Variants in GALM observed in about 807,000 individuals in gnomAD.
GALM encodes galactose mutarotase.
GALM carries 43 observed loss-of-function variants against 37.4 expected under a neutral mutation model. The ratio of observed to expected loss-of-function variants is 1.15; its 90% CI spans 0.90 to 1.48. The LOEUF (loss-of-function observed/expected upper bound fraction) is 1.48, where lower values mean the gene tolerates loss of function less well. Ranked by LOEUF, GALM falls within the 40% of genes most tolerant of loss-of-function variation. GALM has a pLI of 0.00. For missense variants in GALM, 456 were observed against 419.1 expected (o/e 1.09, Z -0.77); for synonymous variants, 199 against 170.6 (o/e 1.17, Z -1.30).
chr2:38,730,605 A>C (rs1341079659), intron 5 of GALM, among the ~76,000 whole-genome samples: 1 of 152,098 alleles, frequency 6.6e-6, no homozygotes, highest in Non-Finnish European at 1.5e-5. Context: ...CTCAAACCAA[A>C]TAGTGACAGA....
intron 1 of GALM, chr2:38,669,353 C>G (rs1665029301): frequency 6.6e-6 from 1 of 152,240 alleles, no homozygotes; most frequent in Admixed American, 6.5e-5. Flanking sequence ...GCATGCAGCC[C>G]CCAGTCAGGT....
At chr2:38,676,095 C>A (rs762002444) in intron 2 of GALM, 29 bp downstream of exon 2, 9 of 1,611,218 alleles carry the variant, frequency 5.6e-6, no homozygotes, top group Non-Finnish European at 7.6e-6. Flanking sequence ...ACTGAGTTCC[C>A]TTTAGGCTCA....
intron 4 of GALM, among the ~76,000 whole-genome samples, chr2:38,718,806 T>C (rs1445210180): frequency 6.6e-6 from 1 of 151,842 alleles, no homozygotes. Flanking sequence ...CATTACCGTC[T>C]GTTCCTCTTC....
intron 4 of GALM, among the ~76,000 whole-genome samples, chr2:38,699,896 T>C (rs1004017354): frequency 2.0e-5 from 3 of 152,196 alleles, no homozygotes; most frequent in African/African-American, 7.2e-5. Flanking sequence ...AATAATGTGT[T>C]TTCTGAATCT....
rs1138975 is a variant in GALM, at chr2:38,734,273, C to T, written c.*708C>T. Reference sequence around the variant, plus strand: ...GGGTGTGGTAGCACGCACCTGTAGTCCCAGCTACTTGGGAGGCTGAAGCAG... The same window carrying T: ...GGGTGTGGTAGCACGCACCTGTAGTTCCAGCTACTTGGGAGGCTGAAGCAG... On this transcript the variant is annotated 3_prime_UTR_variant, in exon 7 of 7. Transcript: ENST00000272252. The T allele has an allele frequency of 0.53, 81,510 of 152,388 alleles. 21,327 individuals are homozygous for T. Among genetic ancestry groups the T allele is most frequent in the East Asian group, 0.87 (4,451 of 5,144 alleles). 9.4% of individuals were successfully genotyped at this position (152,388 alleles called of 1,614,324 possible). A position where few individuals can be genotyped will look rare whatever the true frequency, so the allele number is the denominator to read the frequency against.
At chr2:38,684,228 T>C (rs1665470340) in intron 3 of GALM, among the ~76,000 whole-genome samples, 1 of 152,206 alleles carries the variant, frequency 6.6e-6, no homozygotes, top group African/African-American at 2.4e-5. Context: ...CTTCTAAGTT[T>C]GAGGGTTGGA....
intron 4 of GALM, among the ~76,000 whole-genome samples, chr2:38,712,489 C>G (rs186948603): frequency 1.3e-5 from 2 of 152,172 alleles, no homozygotes; most frequent in African/African-American, 4.8e-5. Context: ...GGACAGCACC[C>G]TCCAAATTTA....
At chr2:38,706,526 A>G (rs1666039139) in intron 4 of GALM, among the ~76,000 whole-genome samples, 1 of 149,844 alleles carries the variant, frequency 6.7e-6, no homozygotes, top group South Asian at 2.1e-4. Flanking sequence ...AAAAAAAAAA[A>G]AAAATTAGCC....
At chr2:38,676,276 G>T (rs1420306848) in intron 2 of GALM, among the ~76,000 whole-genome samples, 1 of 152,160 alleles carries the variant, frequency 6.6e-6, no homozygotes, top group Non-Finnish European at 1.5e-5. Context: ...GGAGCCCCAA[G>T]AGAAAGGATG....
At chr2:38,671,307 G>T (rs1449500113) in intron 1 of GALM, 1 of 152,208 alleles carries the variant, frequency 6.6e-6, no homozygotes, top group Non-Finnish European at 1.5e-5. Context: ...TAGAAGAACT[G>T]CCTGAGACTG....
intron 2 of GALM, among the ~76,000 whole-genome samples, chr2:38,680,409 G>A (rs935635818): frequency 6.6e-6 from 1 of 151,998 alleles, no homozygotes; most frequent in Non-Finnish European, 1.5e-5. Context: ...AAGAAACTTC[G>A]AGATAATTTC....
chr2:38,713,101 T>C (rs1172105047), intron 4 of GALM, among the ~76,000 whole-genome samples: 2 of 152,122 alleles, frequency 1.3e-5, no homozygotes, highest in Non-Finnish European at 2.9e-5. Context: ...CTTGCGACTT[T>C]TGGAGGAGAG....
At chr2:38,672,748 T>C (rs1248351185) in intron 1 of GALM, among the ~76,000 whole-genome samples, 2 of 151,856 alleles carry the variant, frequency 1.3e-5, no homozygotes, top group Non-Finnish European at 2.9e-5. Flanking sequence ...ACTTAGAAAG[T>C]GGCTGGGACA....
At chr2:38,669,895 C>CA (rs1235183228) in intron 1 of GALM, among the ~76,000 whole-genome samples, 2 of 135,128 alleles carry the variant, frequency 1.5e-5, no homozygotes, top group Non-Finnish European at 3.2e-5. Context: ...AAAAGTTTTT[C>CA]TTTTTTTTTT....
chr2:38,717,337 G>GTT (rs1399093700), intron 4 of GALM, among the ~76,000 whole-genome samples: 1 of 150,082 alleles, frequency 6.7e-6, no homozygotes, highest in Non-Finnish European at 1.5e-5. Context: ...GTGTGTGTGT[G>GTT]TGTGTGTGTA....
intron 4 of GALM, among the ~76,000 whole-genome samples, chr2:38,703,086 ATATATATTTTTTTTTTT>A (rs1665959707): frequency 1.1e-4 from 1 of 9,202 alleles, no homozygotes; most frequent in Non-Finnish European, 1.9e-4. Context: ...ATATATATAT[ATATATATTTTTTTTTTT>A]TTTTTTTTTT....
intron 5 of GALM, 108 bp from the exon 6 acceptor site, chr2:38,731,627 C>A: frequency 1.3e-6 from 1 of 786,480 alleles, no homozygotes; most frequent in Non-Finnish European, 2.2e-6. Context: ...ATATCTTGTC[C>A]CTGCTCTGTG....
At chr2:38,707,405 C>T (rs1390016113) in intron 4 of GALM, among the ~76,000 whole-genome samples, 5 of 152,078 alleles carry the variant, frequency 3.3e-5, no homozygotes, top group Non-Finnish European at 5.9e-5. Context: ...AAAGGGTCTA[C>T]CTTAAAGTGC....
intron 2 of GALM, 134 bp from the exon 3 acceptor site, chr2:38,681,146 C>T: frequency 7.9e-6 from 6 of 764,194 alleles, no homozygotes; most frequent in Non-Finnish European, 1.3e-5. Context: ...AAAAAAAATC[C>T]AGGCTATCAT....
Sources: gnomAD v4.1 joint callset for allele counts (sites outside exome capture counted in the v4.1 genomes callset) on GRCh38, gnomAD v4.1.1 for gene constraint, MANE v1.5 for transcripts, NCBI Gene and HGNC (gene_info 2026-07-23, HGNC 2026-07-21) for gene names.